The following SLC22A23 variants were observed in gnomAD, a reference collection of about 807,000 sequenced individuals.
The protein encoded by SLC22A23 is ion transporter protein.
A neutral mutation model predicts 61.0 loss-of-function variants in SLC22A23; 26 were observed. That is an observed-to-expected ratio of 0.43 (90% confidence interval 0.31 to 0.59). The LOEUF (loss-of-function observed/expected upper bound fraction) is 0.59, where lower values mean the gene tolerates loss of function less well. Ranked by LOEUF, SLC22A23 falls within the 20% of genes least tolerant of loss-of-function variation. The pLI is 0.11. For synonymous variants in SLC22A23, 430 were observed against 413.9 expected (o/e 1.04, Z -0.47); for missense variants, 796 against 934.7 (o/e 0.85, Z 1.94).
At chr6:3,287,832 T>C (rs1280735381) in intron 6 of SLC22A23, among the ~76,000 whole-genome samples, 12 of 152,020 alleles carry the variant, frequency 7.9e-5, no homozygotes, top group Admixed American at 7.2e-4. Flanking sequence ...TACAGGCACC[T>C]GCCACCATGC....
At chr6:3,323,757 G>A (rs933319210) in intron 4 of SLC22A23, 77 bp downstream of exon 4, 2 of 1,476,164 alleles carry the variant, frequency 1.4e-6, no homozygotes, top group East Asian at 2.4e-5. Context: ...TGGGGATTGT[G>A]TGTCCTGCCC....
In SLC22A23 at chr6:3,327,597, C is replaced by T. The variant is rs1369249452; in HGVS notation, c.914-3595G>A. On this transcript the variant is annotated intron_variant, in intron 3 of 9. Transcript: ENST00000406686. This position sits in a 1 kb window ranked among gnomAD's most constrained non-coding sequence, Gnocchi z 4.1. ...TGCTCCTGGTACATAGAAGCTGTGA[C>T]CTTGGTTCAGTCAGTTAGGAGTTCT... is the stretch of plus-strand genomic sequence containing the variant. Among the ~76,000 whole-genome samples, 1 of 152,168 alleles carries T rather than the reference C, an allele frequency of 6.6e-6. No individual in the cohort carries two copies. Among genetic ancestry groups the T allele is most frequent in the Non-Finnish European group, 1.5e-5 (1 of 68,044 alleles).
chr6:3,275,834 G>A (rs1217634404), intron 9 of SLC22A23, among the ~76,000 whole-genome samples: 3 of 152,342 alleles, frequency 2.0e-5, no homozygotes, highest in East Asian at 1.9e-4. Flanking sequence ...CACCCGCCTT[G>A]GCCTCCCAAA....
intron 5 of SLC22A23, among the ~76,000 whole-genome samples, chr6:3,296,575 C>T (rs908102885): frequency 2.6e-5 from 4 of 152,170 alleles, no homozygotes; most frequent in Non-Finnish European, 5.9e-5. Flanking sequence ...ATGTGAGTGT[C>T]ATCGTGTTTC....
At chr6:3,444,275 CA>C (rs1167619306) in intron 1 of SLC22A23, among the ~76,000 whole-genome samples, 1 of 152,132 alleles carries the variant, frequency 6.6e-6, no homozygotes, top group Non-Finnish European at 1.5e-5. Flanking sequence ...ACACAAAGAA[CA>C]AAACAACTAA....
intron 5 of SLC22A23, among the ~76,000 whole-genome samples, chr6:3,292,784 G>T (rs1032439245): frequency 6.6e-6 from 1 of 152,220 alleles, no homozygotes; most frequent in South Asian, 2.1e-4. Context: ...CCAGCTGCTC[G>T]TCTGTGAAGT....
At chr6:3,313,398 T>C (rs183889140) in intron 4 of SLC22A23, 106 of 152,328 alleles carry the variant, frequency 7.0e-4, no homozygotes, top group Admixed American at 4.4e-3. Context: ...AATTGATTAT[T>C]GGATAACTTG....
At chr6:3,310,950 T>C (rs968781652) in intron 4 of SLC22A23, among the ~76,000 whole-genome samples, 18 of 152,240 alleles carry the variant, frequency 1.2e-4, no homozygotes, top group African/African-American at 4.3e-4. Context: ...CCTTTATTTG[T>C]TTTTCGAAAT....
Position 3,342,465 on chromosome 6 carries a change from T to C in SLC22A23, c.914-18463A>G, listed in dbSNP as rs1418812452. Among the ~76,000 whole-genome samples, 2 of 152,170 alleles carry C rather than the reference T, an allele frequency of 1.3e-5. No homozygotes were observed. Among genetic ancestry groups the C allele is most frequent in the Non-Finnish European group, 2.9e-5 (2 of 68,036 alleles). On this transcript the variant is annotated intron_variant, in intron 3 of 9. Coordinates refer to ENST00000406686, the MANE Select transcript of SLC22A23 (RefSeq NM_015482.2). This position sits in a 1 kb window ranked among gnomAD's most constrained non-coding sequence, Gnocchi z 4.0. Reference sequence around the variant, plus strand: ...CCTCCTTTGAAACACACACACCTCTTTCTCTCTCCCAGTCTGCAGAGGTCC... The same window carrying C: ...CCTCCTTTGAAACACACACACCTCTCTCTCTCTCCCAGTCTGCAGAGGTCC...
rs1383354518 is a variant in SLC22A23 at position 3,330,057 on chromosome 6, G to C, written c.914-6055C>G. Among the ~76,000 whole-genome samples, 1 of 152,172 alleles carries C rather than the reference G, an allele frequency of 6.6e-6. No individual in the cohort carries two copies. The highest frequency in any genetic ancestry group is 2.4e-5 in the African/African-American group (1 of 41,414). ...GGCCGACTGGGCCACTAGGACACCG[G>C]GGCTTGGGGATCCCACCGCCCTGCC... On this transcript the variant is annotated intron_variant, in intron 3 of 9. Coordinates refer to ENST00000406686, the MANE Select transcript of SLC22A23 (RefSeq NM_015482.2). The surrounding 1 kb of genome is among the most constrained non-coding windows in gnomAD (Gnocchi z 4.7).
chr6:3,418,607 G>A (rs1249950549), intron 1 of SLC22A23, among the ~76,000 whole-genome samples: 1 of 152,232 alleles, frequency 6.6e-6, no homozygotes, highest in Non-Finnish European at 1.5e-5. Flanking sequence ...AAGTATTGCT[G>A]GCTCCACAGT....
intron 8 of SLC22A23, 186 bp from the exon 9 acceptor site, chr6:3,284,161 T>G (rs1759749443): frequency 5.7e-6 from 3 of 530,716 alleles, no homozygotes; most frequent in Non-Finnish European, 9.9e-6. Flanking sequence ...CTGCAGTGGG[T>G]TTTGTGGGGC....
At chr6:3,301,296 AGT>A (rs1452615624) in intron 4 of SLC22A23, among the ~76,000 whole-genome samples, 3 of 152,124 alleles carry the variant, frequency 2.0e-5, no homozygotes, top group Admixed American at 6.5e-5. Context: ...TTTTCTCATA[AGT>A]GTACTTAAGA....
At chr6:3,406,588 C>T (rs938085504) in intron 3 of SLC22A23, among the ~76,000 whole-genome samples, 1 of 151,878 alleles carries the variant, frequency 6.6e-6, no homozygotes, top group Admixed American at 6.6e-5. Flanking sequence ...CCAGAGGCCA[C>T]TGATCCAGTC....
intron 1 of SLC22A23, among the ~76,000 whole-genome samples, chr6:3,431,058 C>T (rs957498100): frequency 6.0e-5 from 8 of 133,648 alleles, no homozygotes; most frequent in African/African-American, 1.6e-4. Context: ...AAGAGCAAAA[C>T]TCCGTCTCAA....
intron 3 of SLC22A23, among the ~76,000 whole-genome samples, chr6:3,381,778 G>C (rs1329817998): frequency 6.6e-6 from 1 of 152,176 alleles, no homozygotes; most frequent in Non-Finnish European, 1.5e-5. Flanking sequence ...AAAGTCCCTA[G>C]TTCCTTTTCT....
rs781526188 is a variant in SLC22A23 at position 3,280,512 on chromosome 6, T to TTTTTTTTTTTTTC, written c.1703+3339_1703+3340insGAAAAAAAAAAAA. Among the ~76,000 whole-genome samples, 53 of 98,322 alleles carry TTTTTTTTTTTTTC rather than the reference T, an allele frequency of 5.4e-4. 5 individuals are homozygous for TTTTTTTTTTTTTC. Among genetic ancestry groups the TTTTTTTTTTTTTC allele is most frequent in the African/African-American group, 1.7e-3 (49 of 28,088 alleles). 64.5% of individuals were successfully genotyped at this position (98,322 alleles called of 152,430 possible). On this transcript the variant is annotated intron_variant, in intron 9 of 9. Coordinates refer to ENST00000406686, the MANE Select transcript of SLC22A23 (RefSeq NM_015482.2). ...CAACTTTTTTTTTTTTTTTTTTTTT[T>TTTTTTTTTTTTTC]TGAGATGGAGTCTCGCTCTGTCGCC...
At chr6:3,403,654 G>C (rs1255256155) in intron 3 of SLC22A23, among the ~76,000 whole-genome samples, 9 of 152,132 alleles carry the variant, frequency 5.9e-5, no homozygotes, top group African/African-American at 9.7e-5. Context: ...GGCACATCTA[G>C]GGGGGTAAGA....
At chr6:3,347,277 C>G (rs938527249) in intron 3 of SLC22A23, among the ~76,000 whole-genome samples, 2 of 152,062 alleles carry the variant, frequency 1.3e-5, no homozygotes, top group East Asian at 1.9e-4. Flanking sequence ...ATCTGTCCCC[C>G]CAACTGGACC....
Sources: gnomAD v4.1 joint callset for allele counts (sites outside exome capture counted in the v4.1 genomes callset) on GRCh38, gnomAD v4.1.1 for gene constraint, Gnocchi (gnomAD v3.1) non-coding constraint, MANE v1.5 for transcripts, NCBI Gene and HGNC (gene_info 2026-07-23, HGNC 2026-07-21) for gene names.